GALM: variants seen among roughly 807,000 people sequenced by gnomAD.
The protein encoded by GALM is galactose mutarotase.
A neutral mutation model predicts 37.4 loss-of-function variants in GALM; 43 were observed. That is an observed-to-expected ratio of 1.15 (90% confidence interval 0.90 to 1.48). The LOEUF (loss-of-function observed/expected upper bound fraction) is 1.48, where lower values mean the gene tolerates loss of function less well. GALM is among the 40% of genes most tolerant of loss of function. The pLI, the probability that GALM is intolerant of heterozygous loss-of-function variation, is 0.00. For missense variants in GALM, 456 were observed against 419.1 expected, an observed-to-expected ratio of 1.09 and a Z score of -0.77; for synonymous variants, 199 against 170.6, an observed-to-expected ratio of 1.17 and a Z score of -1.30.
At chr2:38,674,712 G>T (rs59776618) in intron 1 of GALM, among the ~76,000 whole-genome samples, 12,300 of 152,022 alleles carry the variant, frequency 0.081, 809 homozygotes, top group East Asian at 0.32. Context: ...GAATAAGATC[G>T]CTTCCCCTCA....
rs374958454 is a variant in GALM at position 38,729,638 on chromosome 2, C to G, written c.717C>G (p.Leu239=). 21 of 1,613,484 alleles carry G rather than the reference C, an allele frequency of 1.3e-5. No individual in the cohort carries two copies. The African/African-American group carries it at 2.5e-4, about 19-fold the overall frequency. Residue 239 remains leucine, a synonymous_variant, in exon 5 of 7, where the codon CTC becomes CTG. Transcript: ENST00000272252. ...ELGKHLQDFH[L]NGFDHNFCLK... ...GAAAACACCTGCAGGACTTCCATCT[C>G]AATGGTTTTGACCACAATTTCTGTC...
intron 4 of GALM, among the ~76,000 whole-genome samples, chr2:38,728,559 C>A (rs1421074772): frequency 6.6e-6 from 1 of 152,038 alleles, no homozygotes; most frequent in African/African-American, 2.4e-5. Flanking sequence ...GTGGTGTGCA[C>A]CTGTAATCCC....
intron 4 of GALM, among the ~76,000 whole-genome samples, chr2:38,699,662 G>C (rs147936639): frequency 3.0e-3 from 455 of 152,188 alleles, no homozygotes; most frequent in African/African-American, 0.01. Flanking sequence ...AAAAAGAAAA[G>C]AGAAGAATAT....
At chr2:38,707,473 G>A (rs961308576) in intron 4 of GALM, among the ~76,000 whole-genome samples, 4 of 152,174 alleles carry the variant, frequency 2.6e-5, no homozygotes, top group African/African-American at 7.2e-5. Context: ...TAGAAGTCTT[G>A]GAGTGACCAA....
chr2:38,676,175 A>C, intron 2 of GALM, 109 bp downstream of exon 2: 2 of 1,086,884 alleles, frequency 1.8e-6, no homozygotes, highest in East Asian at 4.8e-5. Flanking sequence ...GAGATGCAGG[A>C]AAGAGGCCCC....
chr2:38,671,719 C>G (rs1367694438), intron 1 of GALM, among the ~76,000 whole-genome samples: 1 of 152,180 alleles, frequency 6.6e-6, no homozygotes, highest in Non-Finnish European at 1.5e-5. Flanking sequence ...TCCAGGGGCA[C>G]AGTGGCTCTC....
intron 1 of GALM, among the ~76,000 whole-genome samples, chr2:38,672,983 C>G (rs577303948): frequency 6.6e-6 from 1 of 152,112 alleles, no homozygotes; most frequent in African/African-American, 2.4e-5. Flanking sequence ...CACTCCAGCC[C>G]AGGCTATAAG....
intron 4 of GALM, among the ~76,000 whole-genome samples, chr2:38,728,983 T>G (rs1034179930): frequency 4.6e-5 from 7 of 152,242 alleles, no homozygotes; most frequent in Non-Finnish European, 7.3e-5. Context: ...CTGGCTTTTA[T>G]GTATATGTTA....
At chr2:38,715,780 G>A (rs1436449288) in intron 4 of GALM, among the ~76,000 whole-genome samples, 2 of 152,130 alleles carry the variant, frequency 1.3e-5, no homozygotes, top group African/African-American at 2.4e-5. Context: ...ATTTCCCTCT[G>A]CTACTGTCCA....
intron 4 of GALM, among the ~76,000 whole-genome samples, chr2:38,710,005 C>T (rs974460781): frequency 2.0e-5 from 3 of 152,188 alleles, no homozygotes; most frequent in Non-Finnish European, 2.9e-5. Context: ...TCATGGAGAC[C>T]AGACTCTAGC....
At position 38,666,196 on chromosome 2, in the gene GALM, T is replaced by C. The variant is rs201350001; in HGVS notation, c.35T>C (p.Leu12Pro). The C allele has an allele frequency of 1.4e-4, 218 of 1,613,732 alleles. No homozygotes were observed. The highest frequency in any genetic ancestry group is 1.8e-4 in the Non-Finnish European group (213 of 1,179,794). ...ASVTRAVFGE[L>P]PSGGGTVEKF... is the part of the protein sequence containing the mutation. ...GTGACCAGGGCCGTGTTTGGAGAGC[T>C]GCCCTCGGGAGGAGGGACAGTGGAG... The change falls in exon 1 of 7, where the codon CTG becomes CCG. Residue 12 changes from leucine to proline, a missense_variant. Physicochemically the swap from Leu to Pro is moderately conservative, Grantham distance 98 (BLOSUM62 -3). Coordinates refer to ENST00000272252, the MANE Select transcript of GALM (RefSeq NM_138801.3).
chr2:38,684,946 T>C (rs1383728847), intron 3 of GALM, among the ~76,000 whole-genome samples: 1 of 152,102 alleles, frequency 6.6e-6, no homozygotes. Flanking sequence ...AGGACCCAGG[T>C]TCTTCCAGTT....
At chr2:38,688,821 T>C (rs991595094) in intron 3 of GALM, among the ~76,000 whole-genome samples, 1 of 152,138 alleles carries the variant, frequency 6.6e-6, no homozygotes, top group Non-Finnish European at 1.5e-5. Context: ...ATTTATTTTA[T>C]TTTATTTATT....
chr2:38,711,293 G>A (rs1666148668), intron 4 of GALM, among the ~76,000 whole-genome samples: 1 of 152,088 alleles, frequency 6.6e-6, no homozygotes. Flanking sequence ...CTGAGTAGCT[G>A]GGATTACAGG....
chr2:38,666,841 T>C (rs1664953113), intron 1 of GALM, among the ~76,000 whole-genome samples: 1 of 152,192 alleles, frequency 6.6e-6, no homozygotes, highest in Non-Finnish European at 1.5e-5. Flanking sequence ...CTAAGCTCAG[T>C]GGTTGCCTAG....
chr2:38,676,472 A>T (rs1665262976), intron 2 of GALM, among the ~76,000 whole-genome samples: 1 of 152,068 alleles, frequency 6.6e-6, no homozygotes, highest in African/African-American at 2.4e-5. Flanking sequence ...AGGCACTGAA[A>T]GGCCACATGG....
At chr2:38,703,072 ATATATATATATATATATATATTTTTTTTT>A (rs1665955701) in intron 4 of GALM, among the ~76,000 whole-genome samples, 2 of 4,462 alleles carry the variant, frequency 4.5e-4, no homozygotes, top group African/African-American at 1.0e-3. Context: ...ATATATATAT[ATATATATATATATATATATATTTTTTTTT>A]TTTTTTTTTT....
intron 1 of GALM, among the ~76,000 whole-genome samples, chr2:38,667,471 G>A (rs1392575533): frequency 6.6e-6 from 1 of 152,128 alleles, no homozygotes; most frequent in Non-Finnish European, 1.5e-5. Context: ...TCAGGAGGCT[G>A]AGGCAGGAGA....
intron 4 of GALM, among the ~76,000 whole-genome samples, chr2:38,696,236 T>A (rs1053695068): frequency 1.1e-4 from 16 of 151,860 alleles, no homozygotes; most frequent in Admixed American, 2.0e-4. Flanking sequence ...TCTCCTGCCT[T>A]GGCCTCCCAA....
Sources: allele counts gnomAD v4.1 joint callset (sites outside exome capture counted in the v4.1 genomes callset), GRCh38; gene constraint gnomAD v4.1.1; transcripts MANE v1.5; gene names NCBI Gene and HGNC (gene_info 2026-07-23, HGNC 2026-07-21).